The following NR5A1 variants were observed in gnomAD, a reference collection of about 807,000 sequenced individuals.
NR5A1 encodes the protein steroidogenic factor 1.
In NR5A1, 6 loss-of-function variants were observed where a neutral mutation model predicts 42.7. The ratio of observed to expected loss-of-function variants is 0.14; its 90% confidence interval spans 0.08 to 0.28. The LOEUF (loss-of-function observed/expected upper bound fraction) is 0.28, where lower values mean the gene tolerates loss of function less well. Ranked by LOEUF, NR5A1 falls within the 10% of genes least tolerant of loss-of-function variation. The pLI is 1.00. For synonymous variants in NR5A1, 274 were observed against 277.5 expected (o/e 0.99, Z 0.12); for missense variants, 442 against 626.4 (o/e 0.71, Z 3.14).
At chr9:124,487,374 G>C (rs1034196591) in intron 6 of NR5A1, among the ~76,000 whole-genome samples, 1 of 152,254 alleles carries the variant, frequency 6.6e-6, no homozygotes, top group African/African-American at 2.4e-5. Context: ...AACGCTTAAG[G>C]GAATGCTGCT....
intron 5 of NR5A1, among the ~76,000 whole-genome samples, chr9:124,492,692 T>A (rs1832333767): frequency 1.3e-5 from 2 of 151,914 alleles, no homozygotes; most frequent in South Asian, 2.1e-4. Context: ...ACTGCCCCCC[T>A]CATCCCTCAT....
chr9:124,504,103 C>A (rs1832514349), intron 1 of NR5A1, among the ~76,000 whole-genome samples: 1 of 149,782 alleles, frequency 6.7e-6, no homozygotes, highest in African/African-American at 2.5e-5. Flanking sequence ...GGATCAGAGA[C>A]TCGGAGAGAC....
Position 124,482,377 on chromosome 9 carries a change from A to G in NR5A1, c.*381T>C, listed in dbSNP as rs1353731643. On this transcript the variant is annotated 3_prime_UTR_variant, in exon 7 of 7. Transcript: ENST00000373588. ...TCTGTTTCCAGGAGAGGAGGAAGGG[A>G]TGACCTCTGATCCAAGGGACGTCGA... The G allele has an allele frequency of 3.0e-6, 1 of 332,386 alleles. No individual in the cohort carries two copies. Among genetic ancestry groups the G allele is most frequent in the East Asian group, 7.5e-5 (1 of 13,300 alleles). The allele number at this position is 332,386 out of a possible 1,614,324, so 20.6% of individuals were successfully genotyped here.
intron 1 of NR5A1, among the ~76,000 whole-genome samples, chr9:124,504,006 TGGAGAGAGACAGGGAGACAGAGAG>T (rs1832508538): frequency 1.1e-5 from 1 of 93,506 alleles, no homozygotes; most frequent in Non-Finnish European, 2.0e-5. Context: ...CAGGGAGGGA[TGGAGAGAGACAGGGAGACAGAGAG>T]AGAGAGAGAG....
At chr9:124,505,215 G>C (rs901299673) in intron 1 of NR5A1, among the ~76,000 whole-genome samples, 2 of 152,220 alleles carry the variant, frequency 1.3e-5, no homozygotes, top group Non-Finnish European at 2.9e-5. Flanking sequence ...ATCTGGGCAG[G>C]TATAGGGCAG....
In NR5A1 at chr9:124,496,797, G is replaced by A. The variant is rs115051331; in HGVS notation, c.870+3293C>T. Among the ~76,000 whole-genome samples the A allele has an allele frequency of 7.3e-4, 111 of 152,244 alleles. No individual in the cohort carries two copies. The highest frequency in any genetic ancestry group is 3.4e-3 in the Middle Eastern group (1 of 294). ...TCGGAGCTGGATGTTGAGGGTGAAC[G>A]GATGTCAAAATGGGTCACTGGGCAC... On this transcript the variant is annotated intron_variant, in intron 4 of 6. Transcript: ENST00000373588. This position sits in a 1 kb window ranked among gnomAD's most constrained non-coding sequence, Gnocchi z 5.0.
chr9:124,493,211 C>G, intron 4 of NR5A1, 62 bp from the exon 5 acceptor site: 1 of 1,562,140 alleles, frequency 6.4e-7, no homozygotes. Context: ...CTTCCTCTCA[C>G]CCCTTCTCCT....
At chr9:124,494,034 C>T (rs2131280865) in intron 4 of NR5A1, among the ~76,000 whole-genome samples, 1 of 152,366 alleles carries the variant, frequency 6.6e-6, no homozygotes, top group Non-Finnish European at 1.5e-5. Flanking sequence ...TCCACAATCT[C>T]CACTGTGACA....
At chr9:124,505,798 G>A (rs1338718950) in intron 1 of NR5A1, among the ~76,000 whole-genome samples, 1 of 152,202 alleles carries the variant, frequency 6.6e-6, no homozygotes, top group Non-Finnish European at 1.5e-5. Flanking sequence ...GGAAGAAAGC[G>A]CTGGGCGGTC....
intron 1 of NR5A1, among the ~76,000 whole-genome samples, chr9:124,504,857 C>A (rs1046282294): frequency 4.1e-5 from 6 of 145,876 alleles, no homozygotes; most frequent in African/African-American, 1.5e-4. Context: ...GCGCGGGGGC[C>A]TCGGCTCCCC....
At chr9:124,495,838 G>A (rs993600952) in intron 4 of NR5A1, among the ~76,000 whole-genome samples, 1 of 152,224 alleles carries the variant, frequency 6.6e-6, no homozygotes, top group African/African-American at 2.4e-5. Context: ...GCCCAGTGAG[G>A]CTGATAGGGG....
intron 6 of NR5A1, among the ~76,000 whole-genome samples, chr9:124,486,068 G>A (rs1269397544): frequency 6.6e-6 from 1 of 152,176 alleles, no homozygotes; most frequent in African/African-American, 2.4e-5. Context: ...GGGATTTACT[G>A]TTCTCAGCAG....
At chr9:124,489,073 T>C (rs7850743) in intron 6 of NR5A1, among the ~76,000 whole-genome samples, 3,797 of 152,294 alleles carry the variant, frequency 0.025, 156 homozygotes, top group African/African-American at 0.087. Context: ...CTTCCTTAAG[T>C]CCCAGAGAAG....
chr9:124,502,196 G>C (rs1332259131), intron 3 of NR5A1, among the ~76,000 whole-genome samples: 1 of 152,158 alleles, frequency 6.6e-6, no homozygotes, highest in Non-Finnish European at 1.5e-5. Context: ...GCTAACCTGC[G>C]GCAATGAACG....
At chr9:124,495,899 GC>G (rs1231161767) in intron 4 of NR5A1, among the ~76,000 whole-genome samples, 5 of 152,226 alleles carry the variant, frequency 3.3e-5, no homozygotes, top group Non-Finnish European at 7.3e-5. Flanking sequence ...GGTGCCCCGT[GC>G]CCTGCATTCG....
Position 124,500,867 on chromosome 9 carries a change from T to G in NR5A1, c.245-152A>C. 8.0e-7 allele frequency: 1 copy of G among 1,249,176 alleles called. No homozygotes were observed. The highest frequency in any genetic ancestry group is 1.3e-5 in the South Asian group (1 of 78,648). The allele number at this position is 1,249,176 out of a possible 1,614,324, so 77.4% of individuals were successfully genotyped here. On this transcript the variant is annotated intron_variant, in intron 3 of 6. Transcript: ENST00000373588. This position sits in a 1 kb window ranked among gnomAD's most constrained non-coding sequence, Gnocchi z 6.9. ...CTGACCACAGGGGAAGTCAGTCTCC[T>G]TTGCCTGGCATTCAAGGCCCTGCTC... is the stretch of plus-strand genomic sequence containing the variant.
At chr9:124,484,781 A>G (rs569184404) in intron 6 of NR5A1, among the ~76,000 whole-genome samples, 2 of 151,998 alleles carry the variant, frequency 1.3e-5, no homozygotes, top group South Asian at 4.2e-4. Flanking sequence ...AAATAAATAA[A>G]TAAAGCTTGT....
In NR5A1 at chr9:124,496,007, C is replaced by T. The variant is rs1430885291; in HGVS notation, c.871-2858G>A. On this transcript the variant is annotated intron_variant, in intron 4 of 6. Transcript: ENST00000373588. The surrounding 1 kb of genome is among the most constrained non-coding windows in gnomAD (Gnocchi z 5.0). ...TTTTTGGTTAAAACGTAAGAACACA[C>T]ATTGGGATGTATGGGAATCGGTGGA... is the stretch of plus-strand genomic sequence containing the variant. 1.3e-5 allele frequency among the ~76,000 whole-genome samples: 2 copies of T among 152,188 alleles called. No homozygotes were observed. The highest frequency in any genetic ancestry group is 2.9e-5 in the Non-Finnish European group (2 of 68,038).
rs201340156 is a variant in NR5A1, at chr9:124,500,571, G to C, written c.389C>G (p.Pro130Arg). 1 of 1,611,444 alleles carries C rather than the reference G, an allele frequency of 6.2e-7. No individual in the cohort carries two copies. The highest frequency in any genetic ancestry group is 1.3e-5 in the African/African-American group (1 of 74,884). Reference protein sequence around the residue: ...LETGPPMGVPPPPPPAPDYVL... With the variant: ...LETGPPMGVPRPPPPAPDYVL... The stretch of plus-strand genomic sequence containing the variant: ...GTAGTCCGGTGCGGGAGGGGGCGGC[G>C]GGGGCACCCCCATCGGGGGCCCTGT... The change falls in exon 4 of 7, where the codon CCG becomes CGG. Residue 130 changes from proline (P) to arginine (R), a missense_variant. Physicochemically the swap from Pro to Arg is moderately radical, Grantham distance 103 (BLOSUM62 -2). Coordinates refer to ENST00000373588, the MANE Select transcript of NR5A1 (RefSeq NM_004959.5). The surrounding 1 kb of genome is among the most constrained non-coding windows in gnomAD (Gnocchi z 6.9).
Sources: allele counts gnomAD v4.1 joint callset (sites outside exome capture counted in the v4.1 genomes callset), GRCh38; gene constraint gnomAD v4.1.1; non-coding constraint Gnocchi (gnomAD v3.1); transcripts MANE v1.5; gene names NCBI Gene and HGNC (gene_info 2026-07-23, HGNC 2026-07-21).